The following DLG2 variants were observed in gnomAD, a reference collection of about 807,000 sequenced individuals.
DLG2 encodes the protein disks large homolog 2.
Under a neutral mutation model 132.5 loss-of-function variants are expected in DLG2, and 45 were observed. The observed-to-expected ratio is 0.34, with a 90% CI of 0.27 to 0.44. The LOEUF is 0.44. Among genes scored for constraint, DLG2 ranks in the 20% least tolerant of loss-of-function variants. The pLI is 1.00. For missense variants in DLG2, 1,045 were observed against 1,196.9 expected (o/e 0.87, Z 1.87); for synonymous variants, 424 against 419.6 (o/e 1.01, Z -0.13).
intron 12 of DLG2, among the ~76,000 whole-genome samples, chr11:83,966,169 A>G (rs1207390785): frequency 2.0e-5 from 3 of 152,010 alleles, no homozygotes; most frequent in African/African-American, 7.2e-5. Context: ...CTATATGAAC[A>G]TTATCAGGGC....
intron 18 of DLG2, among the ~76,000 whole-genome samples, chr11:83,656,145 G>C (rs953464210): frequency 6.6e-6 from 1 of 152,196 alleles, no homozygotes; most frequent in African/African-American, 2.4e-5. Context: ...ATGGCATGCA[G>C]AACACAACCC....
Position 84,963,857 on chromosome 11 carries a change from G to A in DLG2, c.357+147804C>T, listed in dbSNP as rs1029892793. Among the ~76,000 whole-genome samples, 3 of 152,066 alleles carry A rather than the reference G, an allele frequency of 2.0e-5. No homozygotes were observed. In the East Asian group the frequency reaches 5.8e-4, roughly 29 times the overall value. On this transcript the variant is annotated intron_variant, in intron 6 of 27. Coordinates refer to ENST00000376104, the MANE Select transcript of DLG2 (RefSeq NM_001142699.3). ...CTGAAAGAAAACTTAAAACTCACCT[G>A]GCACAAGTCCTTGACTTTACACAGG...
chr11:84,714,597 CTTTCTCTTTCTCTTTCTCTT>C (rs2060906548), intron 6 of DLG2, among the ~76,000 whole-genome samples: 3 of 109,994 alleles, frequency 2.7e-5, no homozygotes, highest in African/African-American at 1.3e-4. Context: ...CTTTCTCTTT[CTTTCTCTTTCTCTTTCTCTT>C]TCTCTTTCTC....
intron 3 of DLG2, among the ~76,000 whole-genome samples, chr11:85,401,787 G>A (rs924410114): frequency 6.6e-6 from 1 of 152,082 alleles, no homozygotes; most frequent in African/African-American, 2.4e-5. Flanking sequence ...TACAAAGGAT[G>A]TGAAGGACCT....
intron 16 of DLG2, among the ~76,000 whole-genome samples, chr11:83,856,476 A>G (rs187037610): frequency 8.5e-5 from 13 of 152,292 alleles, no homozygotes; most frequent in Middle Eastern, 3.4e-3. Flanking sequence ...CTTTTTCTCC[A>G]CAACCTTGCC....
intron 3 of DLG2, among the ~76,000 whole-genome samples, chr11:85,497,876 T>C (rs1565587549): frequency 6.6e-6 from 1 of 152,146 alleles, no homozygotes; most frequent in Non-Finnish European, 1.5e-5. Flanking sequence ...GACAAGCAAA[T>C]GCTGAGAGAT....
At chr11:83,710,669 A>T (rs58417360) in intron 18 of DLG2, among the ~76,000 whole-genome samples, 4,665 of 152,218 alleles carry the variant, frequency 0.031, 264 homozygotes, top group African/African-American at 0.11. Flanking sequence ...CAAAGCTTGA[A>T]ACTGGTACAA....
intron 15 of DLG2, among the ~76,000 whole-genome samples, chr11:83,926,472 C>G (rs971430969): frequency 6.6e-6 from 1 of 152,092 alleles, no homozygotes; most frequent in Admixed American, 6.6e-5. Context: ...AAAAATCAGG[C>G]ATTTCTTCAA....
At chr11:84,304,812 G>A (rs751914835) in intron 7 of DLG2, among the ~76,000 whole-genome samples, 3 of 152,228 alleles carry the variant, frequency 2.0e-5, no homozygotes, top group Non-Finnish European at 4.4e-5. Flanking sequence ...GCCTGTGGCT[G>A]TAGTTTGGTG....
intron 7 of DLG2, among the ~76,000 whole-genome samples, chr11:84,350,571 T>C (rs1030932111): frequency 7.9e-5 from 12 of 152,278 alleles, no homozygotes; most frequent in Non-Finnish European, 1.3e-4. Context: ...TACTGGGTTA[T>C]TGAACCCTCC....
intron 6 of DLG2, among the ~76,000 whole-genome samples, chr11:84,989,662 T>C (rs1476809148): frequency 6.6e-6 from 1 of 152,164 alleles, no homozygotes; most frequent in Non-Finnish European, 1.5e-5. Context: ...CTAGAATATC[T>C]AAAACAAATT....
intron 11 of DLG2, among the ~76,000 whole-genome samples, chr11:84,009,162 G>A (rs943196701): frequency 6.6e-6 from 1 of 151,634 alleles, no homozygotes; most frequent in African/African-American, 2.4e-5. Flanking sequence ...TCATGTATAG[G>A]ACTAATAGTA....
At chr11:84,841,757 A>T (rs1426201667) in intron 6 of DLG2, among the ~76,000 whole-genome samples, 7 of 151,898 alleles carry the variant, frequency 4.6e-5, no homozygotes, top group Non-Finnish European at 1.0e-4. Flanking sequence ...TATCATTTTT[A>T]TTATTTTTCA....
At chr11:85,395,847 C>A (rs2087300255) in intron 3 of DLG2, among the ~76,000 whole-genome samples, 1 of 152,182 alleles carries the variant, frequency 6.6e-6, no homozygotes, top group African/African-American at 2.4e-5. Flanking sequence ...CATATCTGAA[C>A]AAAAGGCAGC....
At chr11:85,385,515 T>C (rs2086250899) in intron 3 of DLG2, among the ~76,000 whole-genome samples, 1 of 152,104 alleles carries the variant, frequency 6.6e-6, no homozygotes, top group Non-Finnish European at 1.5e-5. Flanking sequence ...AACCTATAAG[T>C]GGGGAAATTC....
intron 11 of DLG2, among the ~76,000 whole-genome samples, chr11:84,002,598 G>A (rs535566449): frequency 6.6e-6 from 1 of 152,288 alleles, no homozygotes; most frequent in South Asian, 2.1e-4. Flanking sequence ...AATGGTCTGA[G>A]CTCTACGTTG....
chr11:83,949,942 G>C (rs2084973874), intron 14 of DLG2, among the ~76,000 whole-genome samples: 1 of 152,174 alleles, frequency 6.6e-6, no homozygotes, highest in Non-Finnish European at 1.5e-5. Flanking sequence ...AGTTTTATAA[G>C]TTATAATTTG....
At chr11:85,355,551 A>G (rs1299130915) in intron 3 of DLG2, among the ~76,000 whole-genome samples, 1 of 152,160 alleles carries the variant, frequency 6.6e-6, no homozygotes, top group African/African-American at 2.4e-5. Flanking sequence ...GGTTTCTCAT[A>G]ACAGCTTTGT....
At chr11:83,770,819 C>A (rs1260171246) in intron 18 of DLG2, among the ~76,000 whole-genome samples, 1 of 152,024 alleles carries the variant, frequency 6.6e-6, no homozygotes, top group African/African-American at 2.4e-5. Context: ...ATAATGTATC[C>A]TTAATATTTC....
Sources: allele counts gnomAD v4.1 joint callset (sites outside exome capture counted in the v4.1 genomes callset), GRCh38; gene constraint gnomAD v4.1.1; transcripts MANE v1.5; gene names NCBI Gene and HGNC (gene_info 2026-07-23, HGNC 2026-07-21).